STMN2: variants seen among roughly 807,000 people sequenced by gnomAD.
STMN2 encodes stathmin 2.
A neutral mutation model predicts 24.1 loss-of-function variants in STMN2; 2 were observed. The ratio of observed to expected loss-of-function variants is 0.08; its 90% CI spans 0.03 to 0.26. The LOEUF (loss-of-function observed/expected upper bound fraction) is 0.26. Among genes scored for constraint, STMN2 ranks in the 10% least tolerant of loss-of-function variants. The pLI is 1.00. For synonymous variants in STMN2, 83 were observed against 77.5 expected (o/e 1.07, Z -0.37); for missense variants, 114 against 213.6 (o/e 0.53, Z 2.91).
At chr8:79,658,396 A>G (rs1200405353) in intron 4 of STMN2, among the ~76,000 whole-genome samples, 1 of 152,220 alleles carries the variant, frequency 6.6e-6, no homozygotes, top group Non-Finnish European at 1.5e-5. Context: ...AGTCCCTACT[A>G]TATGCTTAGG....
chr8:79,614,221 T>G (rs1809327348), intron 1 of STMN2, among the ~76,000 whole-genome samples: 1 of 152,222 alleles, frequency 6.6e-6, no homozygotes, highest in South Asian at 2.1e-4. Flanking sequence ...TTCTGCAGTA[T>G]TAAAATAATA....
At chr8:79,656,555 C>A (rs914459661) in intron 4 of STMN2, among the ~76,000 whole-genome samples, 9 of 152,132 alleles carry the variant, frequency 5.9e-5, no homozygotes, top group Non-Finnish European at 1.0e-4. Flanking sequence ...ACTCCCCTGA[C>A]CTTCAACCAG....
intron 4 of STMN2, among the ~76,000 whole-genome samples, chr8:79,661,020 A>G (rs1450128524): frequency 1.3e-5 from 2 of 152,138 alleles, no homozygotes; most frequent in African/African-American, 2.4e-5. Flanking sequence ...TGGTGTATAT[A>G]TACCACATTT....
intron 3 of STMN2, among the ~76,000 whole-genome samples, chr8:79,644,217 G>A (rs1810171085): frequency 6.6e-6 from 1 of 152,156 alleles, no homozygotes; most frequent in Admixed American, 6.5e-5. Context: ...GCAAATATGT[G>A]ACTAAAAAGT....
intron 2 of STMN2, among the ~76,000 whole-genome samples, chr8:79,638,649 G>T (rs1416584295): frequency 6.6e-6 from 1 of 152,108 alleles, no homozygotes; most frequent in East Asian, 1.9e-4. Context: ...TTTGCATTCA[G>T]CATCCTTTAT....
intron 2 of STMN2, among the ~76,000 whole-genome samples, chr8:79,639,256 T>C (rs547727786): frequency 4.1e-4 from 63 of 152,320 alleles, no homozygotes; most frequent in African/African-American, 1.5e-3. Context: ...GTGGTAAAGA[T>C]CTAGAAACAG....
At chr8:79,655,845 T>C (rs1307738927) in intron 4 of STMN2, among the ~76,000 whole-genome samples, 2 of 152,230 alleles carry the variant, frequency 1.3e-5, no homozygotes, top group East Asian at 3.9e-4. Flanking sequence ...CATTGAGAAA[T>C]GGGATGTTTG....
chr8:79,637,130 T>C (rs1242919790), intron 2 of STMN2, among the ~76,000 whole-genome samples: 2 of 152,228 alleles, frequency 1.3e-5, no homozygotes, highest in African/African-American at 4.8e-5. Context: ...GGATTCTTAT[T>C]AACAGCCACA....
chr8:79,632,180 GT>G (rs939987973), intron 1 of STMN2, among the ~76,000 whole-genome samples: 2 of 152,196 alleles, frequency 1.3e-5, no homozygotes, highest in Non-Finnish European at 2.9e-5. Flanking sequence ...AATGACAGGG[GT>G]TTTTTTCTTA....
chr8:79,660,796 G>A (rs1041354037), intron 4 of STMN2, among the ~76,000 whole-genome samples: 9 of 150,606 alleles, frequency 6.0e-5, no homozygotes, highest in East Asian at 3.9e-4. Flanking sequence ...TTCATCCCTC[G>A]CCCCCACTCC....
intron 3 of STMN2, 77 bp from the exon 4 acceptor site, chr8:79,654,794 C>T (rs1810411910): frequency 2.7e-6 from 4 of 1,472,736 alleles, no homozygotes; most frequent in Non-Finnish European, 3.7e-6. Flanking sequence ...AAAGAATGCT[C>T]CCTCCAATTG....
intron 1 of STMN2, 121 bp from the exon 2 acceptor site, chr8:79,636,681 A>G (rs1359207594): frequency 4.7e-6 from 4 of 852,526 alleles, no homozygotes; most frequent in Non-Finnish European, 7.3e-6. Context: ...AAAGAATGCA[A>G]AGGAGTCTAC....
At chr8:79,640,756 C>G (rs1810078124) in intron 2 of STMN2, among the ~76,000 whole-genome samples, 1 of 152,160 alleles carries the variant, frequency 6.6e-6, no homozygotes, top group Non-Finnish European at 1.5e-5. Flanking sequence ...TACAGAAGGG[C>G]AAAACAGAAA....
At chr8:79,651,268 T>G (rs1810329276) in intron 3 of STMN2, among the ~76,000 whole-genome samples, 1 of 152,210 alleles carries the variant, frequency 6.6e-6, no homozygotes, top group Non-Finnish European at 1.5e-5. Context: ...GCCTTCTGTT[T>G]CTGTTTCACC....
At chr8:79,652,100 G>A (rs1810345547) in intron 3 of STMN2, among the ~76,000 whole-genome samples, 1 of 152,216 alleles carries the variant, frequency 6.6e-6, no homozygotes, top group African/African-American at 2.4e-5. Flanking sequence ...AGTGTATTAA[G>A]ATAGAAAAAT....
chr8:79,626,988 T>C (rs1809672610), intron 1 of STMN2, among the ~76,000 whole-genome samples: 1 of 152,142 alleles, frequency 6.6e-6, no homozygotes, highest in African/African-American at 2.4e-5. Flanking sequence ...TTCACTTCTG[T>C]GTTTAGGAAG....
At chr8:79,643,961 T>C (rs528305250) in intron 3 of STMN2, among the ~76,000 whole-genome samples, 89 of 147,926 alleles carry the variant, frequency 6.0e-4, no homozygotes, top group African/African-American at 2.1e-3. Flanking sequence ...TTTAGTTTTT[T>C]ATGGTTTTTT....
chr8:79,636,927 C>T, intron 2 of STMN2, 30 bp downstream of exon 2: 1 of 1,583,708 alleles, frequency 6.3e-7, no homozygotes, highest in Non-Finnish European at 8.7e-7. Flanking sequence ...CATACCCCTG[C>T]TAGCTAGATC....
At chr8:79,656,884 G>GTTTTTTTTTTTTTTTTTTTT (rs71266026) in intron 4 of STMN2, among the ~76,000 whole-genome samples, 1 of 150,206 alleles carries the variant, frequency 6.7e-6, no homozygotes, top group Non-Finnish European at 1.5e-5. Flanking sequence ...TTGTTTGTTT[G>GTTTTTTTTTTTTTTTTTTTT]TTTTTTTGAG....
Sources: allele counts gnomAD v4.1 joint callset (sites outside exome capture counted in the v4.1 genomes callset), GRCh38; gene constraint gnomAD v4.1.1; transcripts MANE v1.5; gene names NCBI Gene and HGNC (gene_info 2026-07-23, HGNC 2026-07-21).